Variants in B3GALT1 observed in about 807,000 individuals in gnomAD.
B3GALT1 encodes the protein UDP-Gal:betaGlcNAc beta 1,3-galactosyltransferase, polypeptide 1.
B3GALT1 carries 10 observed loss-of-function variants against 23.2 expected under a neutral mutation model. The observed-to-expected ratio is 0.43, with a 90% confidence interval of 0.27 to 0.73. The LOEUF is 0.73. Among genes scored for constraint, B3GALT1 ranks in the 30% least tolerant of loss-of-function variants. B3GALT1 has a pLI of 0.21. For missense variants in B3GALT1, 299 were observed against 405.4 expected (o/e 0.74, Z 2.25); for synonymous variants, 156 against 141.5 (o/e 1.10, Z -0.73).
At chr2:167,550,904 T>C (rs544932583) in intron 2 of B3GALT1, among the ~76,000 whole-genome samples, 32 of 152,328 alleles carry the variant, frequency 2.1e-4, no homozygotes, top group African/African-American at 7.0e-4. Flanking sequence ...GTCTCACTTA[T>C]GTTACAGTCC....
At chr2:167,382,310 GTTTC>G (rs1320850680) in intron 1 of B3GALT1, among the ~76,000 whole-genome samples, 2 of 151,432 alleles carry the variant, frequency 1.3e-5, no homozygotes, top group African/African-American at 4.9e-5. Context: ...TCTCTTTTTT[GTTTC>G]TTTTTTTCCT....
chr2:167,646,056 C>T (rs1374612910), intron 2 of B3GALT1, among the ~76,000 whole-genome samples: 4 of 152,142 alleles, frequency 2.6e-5, no homozygotes, highest in Non-Finnish European at 5.9e-5. Flanking sequence ...TTTCTGAAAT[C>T]ACAGAATATT....
intron 2 of B3GALT1, among the ~76,000 whole-genome samples, chr2:167,570,934 TCAAA>T (rs1195880974): frequency 6.6e-6 from 1 of 151,990 alleles, no homozygotes; most frequent in Non-Finnish European, 1.5e-5. Context: ...GGTTCAATTG[TCAAA>T]CAAATTTAGT....
chr2:167,743,025 A>G (rs1290155155), intron 3 of B3GALT1, among the ~76,000 whole-genome samples: 1 of 152,178 alleles, frequency 6.6e-6, no homozygotes, highest in Non-Finnish European at 1.5e-5. Context: ...ATCATACTAC[A>G]TATAGCCTTC....
chr2:167,528,540 C>G (rs1282480095), intron 2 of B3GALT1, among the ~76,000 whole-genome samples: 1 of 152,124 alleles, frequency 6.6e-6, no homozygotes, highest in Non-Finnish European at 1.5e-5. Context: ...AGCCAGACAA[C>G]CTAGACCAAA....
At chr2:167,615,891 G>A (rs1039055927) in intron 2 of B3GALT1, among the ~76,000 whole-genome samples, 5 of 151,970 alleles carry the variant, frequency 3.3e-5, no homozygotes, top group African/African-American at 4.8e-5. Context: ...GTTTTTAGTT[G>A]CCCAAAGTTA....
intron 1 of B3GALT1, among the ~76,000 whole-genome samples, chr2:167,424,374 A>G (rs1300263008): frequency 2.0e-5 from 3 of 152,196 alleles, no homozygotes; most frequent in Admixed American, 1.3e-4. Context: ...GTAATTTGAG[A>G]TCAGTGGACT....
intron 1 of B3GALT1, among the ~76,000 whole-genome samples, chr2:167,465,273 G>A (rs1440144765): frequency 6.6e-6 from 1 of 152,116 alleles, no homozygotes; most frequent in Non-Finnish European, 1.5e-5. Flanking sequence ...GGAATACAGT[G>A]TGTATGTTTT....
intron 1 of B3GALT1, among the ~76,000 whole-genome samples, chr2:167,382,487 C>T (rs1305233744): frequency 1.3e-5 from 2 of 152,058 alleles, no homozygotes; most frequent in Non-Finnish European, 2.9e-5. Flanking sequence ...TCCTCCTTTT[C>T]TTCTTTTCTT....
intron 1 of B3GALT1, among the ~76,000 whole-genome samples, chr2:167,320,935 A>C (rs1301052381): frequency 6.6e-6 from 1 of 151,912 alleles, no homozygotes; most frequent in African/African-American, 2.4e-5. Context: ...AATATCCTAA[A>C]CATGAAAAAA....
At chr2:167,667,783 T>C (rs1686232092) in intron 3 of B3GALT1, among the ~76,000 whole-genome samples, 1 of 152,242 alleles carries the variant, frequency 6.6e-6, no homozygotes, top group African/African-American at 2.4e-5. Context: ...TCTCGAGCCT[T>C]GGTTTTCAGC....
intron 1 of B3GALT1, among the ~76,000 whole-genome samples, chr2:167,328,649 C>T (rs1696930223): frequency 6.6e-6 from 1 of 151,842 alleles, no homozygotes; most frequent in African/African-American, 2.4e-5. Flanking sequence ...TTTGAAGAAC[C>T]AACTTTTCAT....
chr2:167,375,599 T>C (rs1382761224), intron 1 of B3GALT1, among the ~76,000 whole-genome samples: 1 of 152,122 alleles, frequency 6.6e-6, no homozygotes, highest in African/African-American at 2.4e-5. Context: ...TGTGTGTGGC[T>C]ATTGTAAATG....
At chr2:167,689,463 T>G (rs567076739) in intron 3 of B3GALT1, among the ~76,000 whole-genome samples, 1 of 152,268 alleles carries the variant, frequency 6.6e-6, no homozygotes, top group South Asian at 2.1e-4. Flanking sequence ...TAGTGGAACA[T>G]CCAGCAGGAA....
chr2:167,368,285 T>A (rs1198250002), intron 1 of B3GALT1, among the ~76,000 whole-genome samples: 1 of 152,246 alleles, frequency 6.6e-6, no homozygotes, highest in Non-Finnish European at 1.5e-5. Flanking sequence ...CCAATTTTTT[T>A]ATTGCTTTAC....
chr2:167,383,545 T>TA (rs1697874720), intron 1 of B3GALT1, among the ~76,000 whole-genome samples: 2 of 152,156 alleles, frequency 1.3e-5, no homozygotes, highest in Admixed American at 6.6e-5. Flanking sequence ...CTTTCCATCA[T>TA]AAAAAATAAC....
At chr2:167,749,441 G>A (rs755935553) in intron 3 of B3GALT1, among the ~76,000 whole-genome samples, 3 of 152,120 alleles carry the variant, frequency 2.0e-5, no homozygotes, top group Non-Finnish European at 2.9e-5. Context: ...GACTTCCTGA[G>A]AAATAAATCA....
chr2:167,832,504 C>T (rs1689372963), intron 4 of B3GALT1, among the ~76,000 whole-genome samples: 1 of 152,170 alleles, frequency 6.6e-6, no homozygotes, highest in African/African-American at 2.4e-5. Context: ...ATGAGAATCT[C>T]ACTTTTAACC....
intron 1 of B3GALT1, among the ~76,000 whole-genome samples, chr2:167,442,319 A>T (rs1698907430): frequency 6.6e-6 from 1 of 152,148 alleles, no homozygotes. Flanking sequence ...TGCTATTGTG[A>T]ATAATGCCGC....
Sources: gnomAD v4.1 joint callset for allele counts (sites outside exome capture counted in the v4.1 genomes callset) on GRCh38, gnomAD v4.1.1 for gene constraint, MANE v1.5 for transcripts, NCBI Gene and HGNC (gene_info 2026-07-23, HGNC 2026-07-21) for gene names.